Variants in METTL15 observed in about 807,000 individuals in gnomAD.
METTL15 encodes the protein methyltransferase 15, mitochondrial 12S rRNA N4-cytidine.
In METTL15, 34 loss-of-function variants were observed where a neutral mutation model predicts 38.3. That is an observed-to-expected ratio of 0.89 (90% CI 0.68 to 1.18). METTL15 has a LOEUF of 1.18. Among genes scored for constraint, METTL15 ranks in the 50% most tolerant of loss-of-function variants. METTL15 has a pLI of 0.00. For missense variants in METTL15, 438 were observed against 498.4 expected, an observed-to-expected ratio of 0.88 and a Z score of 1.15; for synonymous variants, 162 against 170.9, an observed-to-expected ratio of 0.95 and a Z score of 0.41.
chr11:28,334,119 A>G (rs1485265712), downstream of METTL15, among the ~76,000 whole-genome samples: 1 of 151,950 alleles, frequency 6.6e-6, no homozygotes, highest in Non-Finnish European at 1.5e-5. Flanking sequence ...ACTCAAGCGT[A>G]TATTAGAAGC....
At chr11:28,139,889 TG>T in intron 3 of METTL15, among the ~76,000 whole-genome samples, 1 of 152,274 alleles carries the variant, frequency 6.6e-6, no homozygotes, top group East Asian at 1.9e-4. Context: ...TCTATGCAAA[TG>T]GGTTCCTCCA....
At chr11:28,151,878 T>C (rs960269236) in intron 3 of METTL15, among the ~76,000 whole-genome samples, 11 of 152,046 alleles carry the variant, frequency 7.2e-5, no homozygotes, top group African/African-American at 2.7e-4. Context: ...CCTGTCAATT[T>C]CCTGAGTGTT....
intron 6 of METTL15, among the ~76,000 whole-genome samples, chr11:28,491,599 T>C (rs1414219758): frequency 6.6e-6 from 1 of 152,198 alleles, no homozygotes; most frequent in East Asian, 1.9e-4. Context: ...CACTCTTGTG[T>C]ATAGTCAGGA....
At chr11:28,459,098 T>G (rs1267680454) in intron 6 of METTL15, among the ~76,000 whole-genome samples, 3 of 152,174 alleles carry the variant, frequency 2.0e-5, no homozygotes, top group African/African-American at 7.2e-5. Context: ...TACCCTTATA[T>G]CCTGACATCA....
intron 6 of METTL15, among the ~76,000 whole-genome samples, chr11:28,325,381 TA>T (rs1314958031): frequency 6.6e-6 from 1 of 152,176 alleles, no homozygotes; most frequent in Admixed American, 6.6e-5. Flanking sequence ...ATACACAGGT[TA>T]TACATAGAAG....
intron 6 of METTL15, among the ~76,000 whole-genome samples, chr11:28,449,767 G>A (rs1010484938): frequency 6.6e-6 from 1 of 152,138 alleles, no homozygotes; most frequent in Non-Finnish European, 1.5e-5. Context: ...TGTGTAAGAA[G>A]TCTGACTACC....
chr11:28,438,392 G>A (rs951024883), intron 6 of METTL15, among the ~76,000 whole-genome samples: 4 of 152,118 alleles, frequency 2.6e-5, no homozygotes, highest in East Asian at 1.9e-4. Context: ...GTCCTACATC[G>A]GGTTGTCTGG....
At chr11:28,395,723 A>G (rs971015132) in intron 5 of METTL15, among the ~76,000 whole-genome samples, 2 of 152,124 alleles carry the variant, frequency 1.3e-5, no homozygotes. Flanking sequence ...ACAAAACGAG[A>G]GAATCCTCCG....
In METTL15 at chr11:28,524,138, A is replaced by G. The variant is rs987193021; in HGVS notation, c.*425-2340A>G. On this transcript the variant is annotated intron_variant and NMD_transcript_variant, in intron 6 of 7. Transcript: ENST00000532947. ...TTACCAAGATGTTACTAGGAAAATA[A>G]AGCTAAATCCAGAAATAACTGGATA... is the stretch of plus-strand genomic sequence containing the variant. 2.6e-5 allele frequency among the ~76,000 whole-genome samples: 4 copies of G among 152,264 alleles called. No homozygotes were observed. In the East Asian group the frequency reaches 7.7e-4, roughly 29 times the overall value.
chr11:28,441,646 G>A (rs549020939), intron 6 of METTL15, among the ~76,000 whole-genome samples: 71 of 152,154 alleles, frequency 4.7e-4, no homozygotes, highest in African/African-American at 1.7e-3. Context: ...GACAACAATA[G>A]ATTTTCATCT....
intron 4 of METTL15, among the ~76,000 whole-genome samples, chr11:28,238,617 C>T (rs1489088197): frequency 6.6e-6 from 1 of 152,216 alleles, no homozygotes; most frequent in East Asian, 1.9e-4. Flanking sequence ...CACCCACTGT[C>T]CTGCGCCCAC....
rs1039852253 is a variant in METTL15, at chr11:28,424,015, C to A, written c.*359-284C>A. On this transcript the variant is annotated intron_variant and NMD_transcript_variant, in intron 5 of 7. Coordinates refer to the METTL15 transcript ENST00000532947. ...CTCATAAAACTTTTTTTTAAAAAAC[C>A]CCAAAGAAACAAACAAAAAACTTCC... 2.6e-5 allele frequency among the ~76,000 whole-genome samples: 4 copies of A among 151,640 alleles called. No homozygotes were observed. In the East Asian group the frequency reaches 7.7e-4, roughly 29 times the overall value.
At chr11:28,361,540 C>T (rs943522158) in intron 4 of METTL15, among the ~76,000 whole-genome samples, 1 of 152,046 alleles carries the variant, frequency 6.6e-6, no homozygotes, top group African/African-American at 2.4e-5. Context: ...AAGAAAATAT[C>T]TCCCTCTGCT....
intron 3 of METTL15, among the ~76,000 whole-genome samples, chr11:28,185,600 T>C (rs1384072135): frequency 6.6e-6 from 1 of 151,396 alleles, no homozygotes; most frequent in Non-Finnish European, 1.5e-5. Flanking sequence ...AAAAGAAATA[T>C]GTTGATTGTT....
intron 4 of METTL15, among the ~76,000 whole-genome samples, chr11:28,230,350 G>C (rs564921793): frequency 6.6e-6 from 1 of 151,908 alleles, no homozygotes; most frequent in South Asian, 2.1e-4. Flanking sequence ...GAAAGTCAAC[G>C]TGTATATTTG....
intron 5 of METTL15, among the ~76,000 whole-genome samples, chr11:28,382,364 C>T (rs1014917630): frequency 2.6e-5 from 4 of 152,152 alleles, no homozygotes; most frequent in African/African-American, 9.7e-5. Flanking sequence ...TCCATTTAGG[C>T]ACTTGTGATG....
intron 6 of METTL15, among the ~76,000 whole-genome samples, chr11:28,437,941 C>T (rs1255800747): frequency 6.6e-6 from 1 of 152,150 alleles, no homozygotes; most frequent in Non-Finnish European, 1.5e-5. Flanking sequence ...CTTTGTCTAT[C>T]CTGTTTATCC....
intron 3 of METTL15, among the ~76,000 whole-genome samples, chr11:28,182,277 A>G (rs1228624365): frequency 6.6e-6 from 1 of 152,062 alleles, no homozygotes; most frequent in Non-Finnish European, 1.5e-5. Context: ...CCATTTGCCA[A>G]TTTTGGCTTT....
intron 4 of METTL15, among the ~76,000 whole-genome samples, chr11:28,213,876 C>T (rs991718714): frequency 7.2e-5 from 11 of 151,794 alleles, no homozygotes; most frequent in Non-Finnish European, 1.5e-4. Flanking sequence ...AAGATGGTCT[C>T]GATCTCCTGA....
Sources: allele counts gnomAD v4.1 joint callset (sites outside exome capture counted in the v4.1 genomes callset), GRCh38; gene constraint gnomAD v4.1.1; transcripts MANE v1.5; gene names NCBI Gene and HGNC (gene_info 2026-07-23, HGNC 2026-07-21).